Variants in LYPLAL1 observed in about 807,000 individuals in gnomAD.
The protein encoded by LYPLAL1 is lysophospholipase-like protein 1.
Under a neutral mutation model 19.7 loss-of-function variants are expected in LYPLAL1, and 23 were observed. The ratio of observed to expected loss-of-function variants is 1.17; its 90% CI spans 0.84 to 1.65. The LOEUF is 1.65. Ranked by LOEUF, LYPLAL1 falls within the 40% of genes most tolerant of loss-of-function variation. The probability of loss-of-function intolerance (pLI) is 0.00; values close to 1 mark genes in which losing one functional copy is unlikely to be tolerated. For missense variants in LYPLAL1, 355 were observed against 279.4 expected (o/e 1.27, Z -1.93); for synonymous variants, 119 against 96.3 (o/e 1.24, Z -1.38).
the LYPLAL1 span, among the ~76,000 whole-genome samples, chr1:219,428,387 G>T: frequency 6.6e-6 from 1 of 152,172 alleles, no homozygotes. Flanking sequence ...ATGTTAAGTA[G>T]CTACTTTAAG....
intron 2 of LYPLAL1, 196 bp downstream of exon 2, chr1:219,179,442 C>T: frequency 1.9e-6 from 1 of 525,028 alleles, no homozygotes; most frequent in East Asian, 3.5e-5. Context: ...TAATTTATTC[C>T]CTTTCTGTAA....
the LYPLAL1 span, among the ~76,000 whole-genome samples, chr1:219,418,133 G>GA: frequency 6.9e-4 from 104 of 149,678 alleles, no homozygotes; most frequent in Non-Finnish European, 1.0e-3. Context: ...TTTGGAATCA[G>GA]AAAAAAAAAC....
the LYPLAL1 span, among the ~76,000 whole-genome samples, chr1:219,364,421 G>C: frequency 2.0e-5 from 3 of 151,998 alleles, no homozygotes; most frequent in Non-Finnish European, 4.4e-5. Context: ...CTTTGATCTT[G>C]AGTTTCCATA....
At chr1:219,286,760 C>T in the LYPLAL1 span, among the ~76,000 whole-genome samples, 1 of 152,222 alleles carries the variant, frequency 6.6e-6, no homozygotes. Flanking sequence ...TCCACAAAAA[C>T]AGCCTTTGGC....
At chr1:219,248,419 C>G in the LYPLAL1 span, among the ~76,000 whole-genome samples, 5 of 151,982 alleles carry the variant, frequency 3.3e-5, no homozygotes, top group Non-Finnish European at 7.4e-5. Flanking sequence ...GACCTAAGTG[C>G]CTTTATTTTC....
At chr1:219,285,192 A>G in the LYPLAL1 span, among the ~76,000 whole-genome samples, 32 of 152,350 alleles carry the variant, frequency 2.1e-4, no homozygotes, top group African/African-American at 7.7e-4. Context: ...CTTTATCGAT[A>G]AAGCACTTTT....
Position 219,173,920 on chromosome 1 carries a change from G to A in LYPLAL1, c.30G>A (p.Gln10=), listed in dbSNP as rs370378232. 156 of 1,613,662 alleles carry A rather than the reference G, an allele frequency of 9.7e-5. No homozygotes were observed. The highest frequency in any genetic ancestry group is 1.3e-4 in the Non-Finnish European group (149 of 1,179,972). The change falls in exon 1 of 5, where the codon CAG becomes CAA. Residue 10 remains glutamine, a synonymous_variant. Coordinates refer to ENST00000366928, the MANE Select transcript of LYPLAL1 (RefSeq NM_138794.5). The part of the protein sequence containing the change: MAAASGSVL[Q]RCIVSPAGRH... ...CGGCTGCGTCGGGGTCGGTTCTGCA[G>A]CGCTGTATCGTGTCGCCGGCAGGGA...
chr1:219,184,696 A>G (rs540016021), intron 2 of LYPLAL1, among the ~76,000 whole-genome samples: 25 of 151,942 alleles, frequency 1.6e-4, no homozygotes, highest in Non-Finnish European at 3.1e-4. Context: ...TGAAATAGTC[A>G]TGGTTTTTAT....
At chr1:219,245,975 C>T in the LYPLAL1 span, among the ~76,000 whole-genome samples, 9 of 152,194 alleles carry the variant, frequency 5.9e-5, no homozygotes, top group South Asian at 4.2e-4. Flanking sequence ...CTCTGTGTGT[C>T]GGGGGATGTG....
chr1:219,199,483 C>T (rs1032633787), intron 3 of LYPLAL1, among the ~76,000 whole-genome samples: 4 of 151,904 alleles, frequency 2.6e-5, no homozygotes, highest in Admixed American at 2.0e-4. Flanking sequence ...CTGTGGCCCG[C>T]CCAAGCTGGA....
the LYPLAL1 span, among the ~76,000 whole-genome samples, chr1:219,244,166 G>T: frequency 6.6e-6 from 1 of 152,090 alleles, no homozygotes; most frequent in African/African-American, 2.4e-5. Flanking sequence ...CAAAGACTGA[G>T]GATTATTAAG....
chr1:219,435,911 A>G, the LYPLAL1 span, among the ~76,000 whole-genome samples: 1,741 of 152,294 alleles, frequency 0.011, 31 homozygotes, highest in African/African-American at 0.04. Flanking sequence ...GTCTGTTCTC[A>G]TACAGTTTGT....
At chr1:219,287,877 A>C in the LYPLAL1 span, among the ~76,000 whole-genome samples, 4 of 152,154 alleles carry the variant, frequency 2.6e-5, no homozygotes, top group African/African-American at 9.6e-5. Context: ...AATGTGTAGC[A>C]CTTCCCCCTT....
chr1:219,215,935 T>C (rs1174584828), downstream of LYPLAL1, among the ~76,000 whole-genome samples: 12 of 152,142 alleles, frequency 7.9e-5, no homozygotes, highest in Non-Finnish European at 1.5e-4. Context: ...AAATGATCCT[T>C]TAAAAAGATT....
chr1:219,257,353 G>GTTTTTTTTTTTTTTTT, the LYPLAL1 span, among the ~76,000 whole-genome samples: 2 of 132,580 alleles, frequency 1.5e-5, 1 homozygote, highest in Non-Finnish European at 3.2e-5. Flanking sequence ...ATCCATACCA[G>GTTTTTTTTTTTTTTTT]TTTTTGTTTT....
chr1:219,308,507 T>C, the LYPLAL1 span, among the ~76,000 whole-genome samples: 38 of 152,146 alleles, frequency 2.5e-4, no homozygotes, highest in African/African-American at 8.7e-4. Flanking sequence ...TAGGAGGAAA[T>C]AATGGTCTTG....
the LYPLAL1 span, among the ~76,000 whole-genome samples, chr1:219,229,308 AG>A: frequency 1.3e-5 from 1 of 77,550 alleles, no homozygotes; most frequent in South Asian, 3.7e-4. Context: ...AGAGAGAGAG[AG>A]AGAGAGAGAG....
chr1:219,404,247 G>T, the LYPLAL1 span, among the ~76,000 whole-genome samples: 14 of 152,288 alleles, frequency 9.2e-5, no homozygotes, highest in East Asian at 2.7e-3. Flanking sequence ...ATCACATTAA[G>T]GGGTTGGGTT....
the LYPLAL1 span, among the ~76,000 whole-genome samples, chr1:219,233,571 C>T: frequency 6.6e-6 from 1 of 152,074 alleles, no homozygotes; most frequent in Non-Finnish European, 1.5e-5. Flanking sequence ...AGTTCAAGAT[C>T]AACTTGGGCA....
Sources: allele counts gnomAD v4.1 joint callset (sites outside exome capture counted in the v4.1 genomes callset), GRCh38; gene constraint gnomAD v4.1.1; transcripts MANE v1.5; gene names NCBI Gene and HGNC (gene_info 2026-07-23, HGNC 2026-07-21).